RTN4RL1: variants seen among roughly 807,000 people sequenced by gnomAD.
RTN4RL1 encodes reticulon-4 receptor-like 1.
Under a neutral mutation model 25.6 loss-of-function variants are expected in RTN4RL1, and 7 were observed. The ratio of observed to expected loss-of-function variants is 0.27; its 90% confidence interval spans 0.16 to 0.51. The LOEUF (loss-of-function observed/expected upper bound fraction) is 0.51, where lower values mean the gene tolerates loss of function less well. Among genes scored for constraint, RTN4RL1 ranks in the 20% least tolerant of loss-of-function variants. The probability of loss-of-function intolerance (pLI) is 0.97; values close to 1 mark genes in which losing one functional copy is unlikely to be tolerated. For synonymous variants in RTN4RL1, 297 were observed against 288.2 expected, an observed-to-expected ratio of 1.03 and a Z score of -0.31; for missense variants, 500 against 615.6, an observed-to-expected ratio of 0.81 and a Z score of 1.99.
At chr17:2,002,503 AGGAT>A in intron 1 of RTN4RL1, among the ~76,000 whole-genome samples, 1 of 150,702 alleles carries the variant, frequency 6.6e-6, no homozygotes, top group East Asian at 1.9e-4. Flanking sequence ...CGTGTTAGCC[AGGAT>A]GGTCTCAATC....
chr17:1,981,355 C>T (rs1449952674), intron 1 of RTN4RL1, among the ~76,000 whole-genome samples: 2 of 152,184 alleles, frequency 1.3e-5, no homozygotes, highest in African/African-American at 4.8e-5. Flanking sequence ...CAACTCCAAC[C>T]TGGGTGACAG....
chr17:1,991,709 C>T (rs1188732573), intron 1 of RTN4RL1, among the ~76,000 whole-genome samples: 1 of 152,200 alleles, frequency 6.6e-6, no homozygotes, highest in Non-Finnish European at 1.5e-5. Flanking sequence ...CATCTCAGTG[C>T]ACACAGAGTC....
chr17:2,008,269 CAA>C (rs1312756963), intron 1 of RTN4RL1, among the ~76,000 whole-genome samples: 17 of 93,198 alleles, frequency 1.8e-4, no homozygotes, highest in Admixed American at 1.2e-4. Context: ...GACTCCATCT[CAA>C]AAAAAAAAAA....
chr17:1,991,463 A>C (rs1387453245), intron 1 of RTN4RL1, among the ~76,000 whole-genome samples: 4 of 52,482 alleles, frequency 7.6e-5, no homozygotes, highest in Non-Finnish European at 1.4e-4. Context: ...AAAAAAAAAA[A>C]CAAAAAAAAA....
chr17:1,951,125 TGTG>T (rs1915666779), intron 1 of RTN4RL1, among the ~76,000 whole-genome samples: 1 of 151,180 alleles, frequency 6.6e-6, no homozygotes, highest in Non-Finnish European at 1.5e-5. Flanking sequence ...ATTAGCCAGG[TGTG>T]GTGGTGGGTA....
chr17:2,002,400 C>T (rs2151322745), intron 1 of RTN4RL1, among the ~76,000 whole-genome samples: 1 of 151,326 alleles, frequency 6.6e-6, no homozygotes, highest in South Asian at 2.1e-4. Context: ...TCACGCCATT[C>T]TCCTGCCTCA....
chr17:1,944,835 A>G (rs986902051), intron 1 of RTN4RL1, among the ~76,000 whole-genome samples: 2 of 152,076 alleles, frequency 1.3e-5, no homozygotes, highest in African/African-American at 2.4e-5. Flanking sequence ...TCTCACCTGG[A>G]CTATTGCAAT....
At chr17:1,962,151 G>A (rs867353143) in intron 1 of RTN4RL1, among the ~76,000 whole-genome samples, 99 of 150,840 alleles carry the variant, frequency 6.6e-4, no homozygotes, top group South Asian at 2.7e-3. Flanking sequence ...GGCGTGGCAC[G>A]TGCATGCAGT....
In RTN4RL1 at chr17:2,016,512, G is replaced by A. The variant is rs184055831; in HGVS notation, c.13+8341C>T. 3.4e-3 allele frequency among the ~76,000 whole-genome samples: 511 copies of A among 152,316 alleles called. 3 individuals are homozygous for A. The highest frequency in any genetic ancestry group is 0.011 in the African/African-American group (477 of 41,578). ...TACTGAGTCCGCCCCAGAGCTGACC[G>A]AACACAGCCCCAGGGTGCCAGCTCC... On this transcript the variant is annotated intron_variant, in intron 1 of 1. Transcript: ENST00000331238.
At chr17:1,999,248 C>G (rs2066945196) in intron 1 of RTN4RL1, among the ~76,000 whole-genome samples, 1 of 151,596 alleles carries the variant, frequency 6.6e-6, no homozygotes, top group African/African-American at 2.4e-5. Context: ...GAGTTGGAGA[C>G]CATCCTGGCC....
chr17:1,981,148 C>T (rs2066865660), intron 1 of RTN4RL1, among the ~76,000 whole-genome samples: 1 of 140,428 alleles, frequency 7.1e-6, no homozygotes, highest in African/African-American at 2.7e-5. Flanking sequence ...CTTTGGGAGG[C>T]TGAGGAGGGA....
At chr17:2,020,807 T>C (rs1230589127) in intron 1 of RTN4RL1, 2 of 152,256 alleles carry the variant, frequency 1.3e-5, no homozygotes, top group Admixed American at 6.5e-5. Context: ...GGAAAGGTTC[T>C]GTATTAGCCC....
rs1016192669 is a variant in RTN4RL1 at position 1,998,106 on chromosome 17, C to G, written c.13+26747G>C. On this transcript the variant is annotated intron_variant, in intron 1 of 1. Transcript: ENST00000331238. This position sits in a 1 kb window ranked among gnomAD's most constrained non-coding sequence, Gnocchi z 4.9. ...GGCCTCATTACCGAGGGAGAGCTGC[C>G]GGGGCTGGCAGGGGAGCCAGACGGC... 6.6e-6 allele frequency among the ~76,000 whole-genome samples: 1 copy of G among 152,170 alleles called. No homozygotes were observed. The highest frequency in any genetic ancestry group is 1.5e-5 in the Non-Finnish European group (1 of 68,000).
rs1480857435 is a variant in RTN4RL1 at position 1,972,897 on chromosome 17, T to C, written c.14-35089A>G. Among the ~76,000 whole-genome samples the C allele has an allele frequency of 2.0e-5, 3 of 152,214 alleles. No homozygotes were observed. In the South Asian group the frequency reaches 6.2e-4, roughly 32 times the overall value. ...AGGCCAGAGAGAGCCTGGCTGGAGC[T>C]GGACTTCTCTCCTCTCTGCAGATGA... On this transcript the variant is annotated intron_variant, in intron 1 of 1. Coordinates refer to ENST00000331238, the MANE Select transcript of RTN4RL1 (RefSeq NM_178568.4).
intron 1 of RTN4RL1, among the ~76,000 whole-genome samples, chr17:1,965,029 C>T (rs1375728639): frequency 2.0e-5 from 3 of 150,696 alleles, no homozygotes; most frequent in South Asian, 2.1e-4. Context: ...CATCGTGATC[C>T]GCCCGCCTCA....
At chr17:1,973,794 T>A (rs1010728977) in intron 1 of RTN4RL1, among the ~76,000 whole-genome samples, 4 of 151,938 alleles carry the variant, frequency 2.6e-5, no homozygotes, top group Non-Finnish European at 5.9e-5. Flanking sequence ...ATCCCAGCAC[T>A]TTGGGAGGCC....
At chr17:1,954,316 C>T (rs556761151) in intron 1 of RTN4RL1, among the ~76,000 whole-genome samples, 1 of 152,068 alleles carries the variant, frequency 6.6e-6, no homozygotes, top group African/African-American at 2.4e-5. Context: ...GGACCTGCTC[C>T]AGAAGCCTCC....
Position 1,994,759 on chromosome 17 carries a change from G to A in RTN4RL1, c.13+30094C>T, listed in dbSNP as rs112815469. On this transcript the variant is annotated intron_variant, in intron 1 of 1. Transcript: ENST00000331238. This position sits in a 1 kb window ranked among gnomAD's most constrained non-coding sequence, Gnocchi z 4.3. ...TTCTCTAGGAAAGGGGATAATACAC[G>A]CTTGCGTTGGGGGAAAGGTGGTTAA... Among the ~76,000 whole-genome samples, 1,380 of 152,172 alleles carry A rather than the reference G, an allele frequency of 9.1e-3. 29 individuals are homozygous for A. Among genetic ancestry groups the A allele is most frequent in the African/African-American group, 0.031 (1,306 of 41,516 alleles).
At position 1,935,711 on chromosome 17, in the gene RTN4RL1, G is replaced by GTGTGTGTGTGTATATATATATA. The variant is rs1435954605; in HGVS notation, c.*784_*785insTATATATATATACACACACACA. ...AGTGGGAGGGGGACTGTGCATTTGTGTATATATATATATATATATATATAT... is the reference window on the plus strand; with the variant it reads ...AGTGGGAGGGGGACTGTGCATTTGTGTGTGTGTGTGTATATATATATATATATATATATATATATATATATAT... On this transcript the variant is annotated 3_prime_UTR_variant, in exon 2 of 2. Coordinates refer to ENST00000331238, the MANE Select transcript of RTN4RL1 (RefSeq NM_178568.4). 1 of 157,456 alleles carries GTGTGTGTGTGTATATATATATA rather than the reference G, an allele frequency of 6.4e-6. No homozygotes were observed. Among genetic ancestry groups the GTGTGTGTGTGTATATATATATA allele is most frequent in the Admixed American group, 1.3e-4 (1 of 7,672 alleles). The allele number at this position is 157,456 out of a possible 1,614,324, so 9.8% of individuals were successfully genotyped here.
Sources: allele counts gnomAD v4.1 joint callset (sites outside exome capture counted in the v4.1 genomes callset), GRCh38; gene constraint gnomAD v4.1.1; non-coding constraint Gnocchi (gnomAD v3.1); transcripts MANE v1.5; gene names NCBI Gene and HGNC (gene_info 2026-07-23, HGNC 2026-07-21).